ARHGAP24: variants seen among roughly 807,000 people sequenced by gnomAD.
ARHGAP24 encodes the protein rho GTPase-activating protein 24.
Under a neutral mutation model 76.4 loss-of-function variants are expected in ARHGAP24, and 50 were observed. The ratio of observed to expected loss-of-function variants is 0.65; its 90% confidence interval spans 0.52 to 0.83. The LOEUF (loss-of-function observed/expected upper bound fraction) is 0.83. Ranked by LOEUF, ARHGAP24 falls within the 40% of genes least tolerant of loss-of-function variation. ARHGAP24 has a pLI of 0.00. For missense variants in ARHGAP24, 930 were observed against 914.2 expected, an observed-to-expected ratio of 1.02 and a Z score of -0.22; for synonymous variants, 345 against 323.3, an observed-to-expected ratio of 1.07 and a Z score of -0.72.
intron 5 of ARHGAP24, among the ~76,000 whole-genome samples, chr4:85,969,322 T>C (rs1389329346): frequency 6.6e-6 from 1 of 152,180 alleles, no homozygotes; most frequent in African/African-American, 2.4e-5. Context: ...AATGAAACTT[T>C]ACAGCAGATT....
In ARHGAP24 at chr4:85,995,725, A is replaced by G. The variant is rs545472658; in HGVS notation, c.2003+68A>G. 2.6e-5 allele frequency: 38 copies of G among 1,451,366 alleles called. No homozygotes were observed. In the Admixed American group the frequency reaches 2.7e-4, roughly 10 times the overall value. The allele number at this position is 1,451,366 out of a possible 1,614,324, so 89.9% of individuals were successfully genotyped here. On this transcript the variant is annotated intron_variant, in intron 9 of 9. Coordinates refer to ENST00000395184, the MANE Select transcript of ARHGAP24 (RefSeq NM_001025616.3). ...TAGCCTCCTACTGTGGGACAGGATC[A>G]CACTGAGGGTGACATATGCTGGCTC... is the stretch of plus-strand genomic sequence containing the variant.
chr4:85,522,204 G>A (rs1724803448), intron 1 of ARHGAP24, among the ~76,000 whole-genome samples: 1 of 151,856 alleles, frequency 6.6e-6, no homozygotes, highest in South Asian at 2.1e-4. Flanking sequence ...AAATAAAGAT[G>A]CTTCATTGAA....
chr4:85,675,746 G>C (rs906480302), intron 2 of ARHGAP24, among the ~76,000 whole-genome samples: 1 of 152,160 alleles, frequency 6.6e-6, no homozygotes, highest in Non-Finnish European at 1.5e-5. Context: ...TTGAGCTTCA[G>C]TTGGCTTGTA....
chr4:85,578,128 A>G (rs1727462890), intron 2 of ARHGAP24, among the ~76,000 whole-genome samples: 1 of 152,206 alleles, frequency 6.6e-6, no homozygotes, highest in African/African-American at 2.4e-5. Flanking sequence ...GAAGGAATCC[A>G]AAATGCCTGC....
At chr4:85,613,814 C>G (rs1445062953) in intron 2 of ARHGAP24, among the ~76,000 whole-genome samples, 1 of 152,114 alleles carries the variant, frequency 6.6e-6, no homozygotes, top group African/African-American at 2.4e-5. Flanking sequence ...TTTTTCTAGC[C>G]TCCTAGAAAG....
At chr4:85,882,958 A>G (rs762260940) in intron 3 of ARHGAP24, among the ~76,000 whole-genome samples, 3 of 152,198 alleles carry the variant, frequency 2.0e-5, no homozygotes, top group Non-Finnish European at 4.4e-5. Flanking sequence ...ACCATCTGGG[A>G]AAGGAAGAAA....
chr4:85,974,010 T>TA (rs1491469767), intron 6 of ARHGAP24, among the ~76,000 whole-genome samples: 1 of 16,044 alleles, frequency 6.2e-5, no homozygotes, highest in Non-Finnish European at 1.4e-4. Context: ...GCCTGGCTAA[T>TA]TTTTTTTTTT....
rs146866174 is a variant in ARHGAP24, at chr4:85,630,541, G to A, written c.180+59820G>A. On this transcript the variant is annotated intron_variant, in intron 2 of 9. Coordinates refer to ENST00000395184, the MANE Select transcript of ARHGAP24 (RefSeq NM_001025616.3). ...CAGCTCATCCAGAGATACTGAGCAG[G>A]CCAACTGTTGGGGTCTGTGAAGGGC... 1.5e-3 allele frequency among the ~76,000 whole-genome samples: 226 copies of A among 152,232 alleles called. 2 individuals carry two copies. Among genetic ancestry groups the A allele is most frequent in the African/African-American group, 5.0e-3 (207 of 41,534 alleles).
At position 85,919,619 on chromosome 4, in the gene ARHGAP24, G is replaced by A. The variant is rs144376074; in HGVS notation, c.269-4029G>A. Among the ~76,000 whole-genome samples, 826 of 152,166 alleles carry A rather than the reference G, an allele frequency of 5.4e-3. 10 individuals are homozygous for A. The highest frequency in any genetic ancestry group is 0.019 in the African/African-American group (787 of 41,514). On this transcript the variant is annotated intron_variant, in intron 3 of 9. Coordinates refer to ENST00000395184, the MANE Select transcript of ARHGAP24 (RefSeq NM_001025616.3). ...GATTGGCAGTCTAAATGAGATTCAG[G>A]GTCAGACACGCAGCACCACTGGCAG...
chr4:85,773,352 A>G (rs1390774044), intron 3 of ARHGAP24, among the ~76,000 whole-genome samples: 1 of 152,144 alleles, frequency 6.6e-6, no homozygotes, highest in Admixed American at 6.6e-5. Context: ...ATAAAAACCA[A>G]ATTCCTGAGC....
chr4:85,577,852 G>T (rs528265177), intron 2 of ARHGAP24, among the ~76,000 whole-genome samples: 2 of 152,210 alleles, frequency 1.3e-5, no homozygotes, highest in South Asian at 4.1e-4. Context: ...GCAAAGAAAA[G>T]GTGTAGGCCA....
chr4:85,510,538 C>G (rs1304832495), intron 1 of ARHGAP24, among the ~76,000 whole-genome samples: 1 of 148,400 alleles, frequency 6.7e-6, no homozygotes, highest in Non-Finnish European at 1.5e-5. Flanking sequence ...AACCCCTTTC[C>G]CTCTCTTGCC....
chr4:85,983,940 A>C (rs1739835404), intron 8 of ARHGAP24, among the ~76,000 whole-genome samples: 1 of 152,212 alleles, frequency 6.6e-6, no homozygotes. Flanking sequence ...AATATGTCTT[A>C]ATTTATCATT....
intron 3 of ARHGAP24, among the ~76,000 whole-genome samples, chr4:85,877,907 CAACTT>C (rs778197116): frequency 2.1e-4 from 32 of 152,048 alleles, no homozygotes; most frequent in Non-Finnish European, 4.4e-4. Flanking sequence ...TTATTAATAT[CAACTT>C]AATGCATACC....
At chr4:85,985,251 G>T (rs943315703) in intron 8 of ARHGAP24, among the ~76,000 whole-genome samples, 1 of 152,184 alleles carries the variant, frequency 6.6e-6, no homozygotes, top group East Asian at 1.9e-4. Flanking sequence ...ATCAATGATA[G>T]ACTGGATAAA....
intron 4 of ARHGAP24, chr4:85,931,133 G>C (rs1736309841): frequency 7.4e-7 from 1 of 1,358,138 alleles, no homozygotes; most frequent in Admixed American, 2.4e-5. Flanking sequence ...TAAAATGGGA[G>C]TTTGGAAACC....
intron 5 of ARHGAP24, among the ~76,000 whole-genome samples, chr4:85,950,683 CT>C (rs11284791): frequency 0.61 from 86,403 of 141,876 alleles, 26,003 homozygotes; most frequent in East Asian, 0.81. Context: ...TTTCTTTTTT[CT>C]TTTTTTTTTA....
rs781429058 is a variant in ARHGAP24 at position 85,510,762 on chromosome 4, T to TTCCTCC, written c.-21+35216_-21+35221dup. On this transcript the variant is annotated intron_variant, in intron 1 of 9. Transcript: ENST00000395184. ...TTCATGGCAATAAGTCTTTAATACA[T>TTCCTCC]TCCTCCTCCTCCTCCTCCCCCTCCT... 6.7e-5 allele frequency among the ~76,000 whole-genome samples: 10 copies of TTCCTCC among 150,034 alleles called. No individual in the cohort carries two copies. The South Asian group carries it at 1.9e-3, about 29-fold the overall frequency.
intron 3 of ARHGAP24, among the ~76,000 whole-genome samples, chr4:85,811,234 C>G (rs1728998989): frequency 6.6e-6 from 1 of 152,086 alleles, no homozygotes. Context: ...TAATGTGAGT[C>G]TAAAGGTTTT....
Sources: allele counts gnomAD v4.1 joint callset (sites outside exome capture counted in the v4.1 genomes callset), GRCh38; gene constraint gnomAD v4.1.1; transcripts MANE v1.5; gene names NCBI Gene and HGNC (gene_info 2026-07-23, HGNC 2026-07-21).